AK7: variants seen among roughly 807,000 people sequenced by gnomAD.
AK7 encodes adenylate kinase 7, also known as ATP-AMP transphosphorylase 7.
AK7 carries 78 observed loss-of-function variants against 96.6 expected under a neutral mutation model. The ratio of observed to expected loss-of-function variants is 0.81; its 90% CI spans 0.67 to 0.97. The LOEUF (loss-of-function observed/expected upper bound fraction) is 0.97, where lower values mean the gene tolerates loss of function less well. AK7 is among the 50% of genes least tolerant of loss of function. The pLI, the probability that AK7 is intolerant of heterozygous loss-of-function variation, is 0.00. For missense variants in AK7, 855 were observed against 887.9 expected, an observed-to-expected ratio of 0.96 and a Z score of 0.47; for synonymous variants, 302 against 317.2, an observed-to-expected ratio of 0.95 and a Z score of 0.51.
intron 2 of AK7, chr14:96,398,476 G>A: frequency 5.1e-6 from 3 of 585,556 alleles, no homozygotes; most frequent in East Asian, 5.8e-5. Context: ...ATTAGATAGT[G>A]TTGGAAAGGA....
intron 1 of AK7, among the ~76,000 whole-genome samples, chr14:96,394,924 C>T (rs1052527724): frequency 2.1e-4 from 32 of 151,856 alleles, no homozygotes; most frequent in Admixed American, 5.2e-4. Context: ...TGCAGTGAGC[C>T]GAGATCACAC....
Position 96,420,809 on chromosome 14 carries a change from T to G in AK7, c.499-13T>G, listed in dbSNP as rs781055076. 1 of 1,581,358 alleles carries G rather than the reference T, an allele frequency of 6.3e-7. No individual in the cohort carries two copies. Among genetic ancestry groups the G allele is most frequent in the Non-Finnish European group, 8.7e-7 (1 of 1,153,440 alleles). On this transcript the variant is annotated splice_polypyrimidine_tract_variant and intron_variant, in intron 4 of 17. Coordinates refer to ENST00000267584, the MANE Select transcript of AK7 (RefSeq NM_152327.5). ...TCACCAAGTCTGTACCTTTTCTTTC[T>G]TTCTTATAATAGGAGGATTCTGAGG...
intron 14 of AK7, among the ~76,000 whole-genome samples, chr14:96,475,035 G>A (rs1287621795): frequency 6.6e-6 from 1 of 152,258 alleles, no homozygotes; most frequent in Non-Finnish European, 1.5e-5. Flanking sequence ...CTGCCTGTGA[G>A]ATAAGGAAAT....
chr14:96,485,700 A>G (rs1049239551), intron 16 of AK7, among the ~76,000 whole-genome samples: 3 of 151,906 alleles, frequency 2.0e-5, no homozygotes, highest in South Asian at 4.1e-4. Flanking sequence ...TCATGTTTAT[A>G]TGTACTCAAA....
intron 1 of AK7, among the ~76,000 whole-genome samples, chr14:96,394,957 C>G (rs1180243460): frequency 1.3e-5 from 2 of 152,160 alleles, no homozygotes; most frequent in African/African-American, 2.4e-5. Context: ...GCCTGGGCAA[C>G]AGAGTAAAAA....
intron 5 of AK7, among the ~76,000 whole-genome samples, chr14:96,426,956 G>T (rs1892060320): frequency 6.6e-6 from 1 of 152,138 alleles, no homozygotes; most frequent in Non-Finnish European, 1.5e-5. Context: ...ATAAAGAAAA[G>T]AGGTTTAGGC....
chr14:96,460,395 G>A (rs1894187049), intron 12 of AK7, among the ~76,000 whole-genome samples: 1 of 152,014 alleles, frequency 6.6e-6, no homozygotes, highest in Non-Finnish European at 1.5e-5. Context: ...TCTTGCTGGT[G>A]GCCATTTCTG....
intron 5 of AK7, among the ~76,000 whole-genome samples, chr14:96,436,765 G>A (rs941144013): frequency 2.2e-4 from 34 of 152,306 alleles, no homozygotes; most frequent in South Asian, 2.1e-4. Context: ...GGCCATGTGA[G>A]CTTGGCCCCT....
chr14:96,442,730 A>T lies in AK7; in HGVS notation c.691A>T (p.Met231Leu). Residue 231 changes from methionine (M) to leucine (L), a missense_variant and splice_region_variant, in exon 7 of 18, where the codon ATG becomes TTG. Transcript: ENST00000267584. The part of the protein sequence containing the change: ...EGGMLHTFFK[M>L]AWLGEIPALP... Reference sequence around the variant, plus strand: ...ATGATTTTGCTTTTCTTCCTTTCAGATGGCTTGGTTGGGCGAGATTCCTGC... The same window carrying T: ...ATGATTTTGCTTTTCTTCCTTTCAGTTGGCTTGGTTGGGCGAGATTCCTGC... 1 of 1,613,972 alleles carries T rather than the reference A, an allele frequency of 6.2e-7. No individual in the cohort carries two copies. Among genetic ancestry groups the T allele is most frequent in the Admixed American group, 1.7e-5 (1 of 60,024 alleles).
In AK7 at chr14:96,412,616, AGT is replaced by A. The variant is rs762524344; in HGVS notation, c.498+3679_498+3680del. On this transcript the variant is annotated intron_variant, in intron 4 of 17. Transcript: ENST00000267584. ...AGTCTTGCTATGTCACCCAGGTTAA[AGT>A]GTGGTGGCATGATCTTGGCTCACTG... Among the ~76,000 whole-genome samples, 46 of 150,428 alleles carry A rather than the reference AGT, an allele frequency of 3.1e-4. 1 individual carries two copies. Among genetic ancestry groups the A allele is most frequent in the African/African-American group, 1.0e-3 (42 of 40,774 alleles).
Position 96,420,819 on chromosome 14 carries a change from T to C in AK7, c.499-3T>C. ...TGTACCTTTTCTTTCTTTCTTATAA[T>C]AGGAGGATTCTGAGGTTCCATTCAC... On this transcript the variant is annotated splice_polypyrimidine_tract_variant and splice_region_variant and intron_variant, in intron 4 of 17. Coordinates refer to ENST00000267584, the MANE Select transcript of AK7 (RefSeq NM_152327.5). The C allele has an allele frequency of 6.3e-7, 1 of 1,599,548 alleles. No homozygotes were observed. Among genetic ancestry groups the C allele is most frequent in the Non-Finnish European group, 8.6e-7 (1 of 1,168,152 alleles).
At chr14:96,394,497 C>T (rs536088056) in intron 1 of AK7, among the ~76,000 whole-genome samples, 1 of 152,278 alleles carries the variant, frequency 6.6e-6, no homozygotes, top group African/African-American at 2.4e-5. Context: ...TGGCCCTACT[C>T]AGCTCCTAAG....
intron 6 of AK7, among the ~76,000 whole-genome samples, chr14:96,440,776 C>G (rs1892917787): frequency 6.6e-6 from 1 of 152,162 alleles, no homozygotes; most frequent in Non-Finnish European, 1.5e-5. Context: ...AGGAGATAGG[C>G]CTGTGCCTTT....
intron 4 of AK7, among the ~76,000 whole-genome samples, chr14:96,410,819 A>G (rs1370967467): frequency 3.9e-5 from 6 of 152,098 alleles, no homozygotes; most frequent in Non-Finnish European, 8.8e-5. Context: ...CCCGGGTAAC[A>G]GGGCGAAACC....
chr14:96,433,816 T>C (rs1744837513), intron 5 of AK7, among the ~76,000 whole-genome samples: 1 of 152,220 alleles, frequency 6.6e-6, no homozygotes, highest in Non-Finnish European at 1.5e-5. Context: ...CTTTCTTCTT[T>C]GATCAATTTT....
intron 5 of AK7, among the ~76,000 whole-genome samples, chr14:96,426,269 G>A (rs1216440007): frequency 6.6e-6 from 1 of 151,904 alleles, no homozygotes; most frequent in Non-Finnish European, 1.5e-5. Context: ...TAACCCTCTT[G>A]GCATAAAGAA....
chr14:96,473,715 TC>T (rs1348508124), intron 14 of AK7, among the ~76,000 whole-genome samples: 2 of 152,160 alleles, frequency 1.3e-5, no homozygotes, highest in Admixed American at 1.3e-4. Context: ...AACGTTGTCT[TC>T]CACTGCTCTC....
At chr14:96,464,073 A>G (rs2140140010) in intron 12 of AK7, among the ~76,000 whole-genome samples, 1 of 152,134 alleles carries the variant, frequency 6.6e-6, no homozygotes, top group South Asian at 2.1e-4. Flanking sequence ...GAGTATAGTG[A>G]AGTTAAGATA....
intron 4 of AK7, among the ~76,000 whole-genome samples, chr14:96,419,406 G>C (rs1412492739): frequency 2.0e-5 from 3 of 152,202 alleles, no homozygotes; most frequent in Non-Finnish European, 4.4e-5. Context: ...AAGGAGGGGG[G>C]ATTGCTTAAA....
Sources: allele counts gnomAD v4.1 joint callset (sites outside exome capture counted in the v4.1 genomes callset), GRCh38; gene constraint gnomAD v4.1.1; transcripts MANE v1.5; gene names NCBI Gene and HGNC (gene_info 2026-07-23, HGNC 2026-07-21).